The following DIS3 variants were observed in gnomAD, a reference collection of about 807,000 sequenced individuals.
DIS3 encodes the protein DIS3 exosome endoribonuclease and 3'-5' exoribonuclease.
A neutral mutation model predicts 113.0 loss-of-function variants in DIS3; 103 were observed. That is an observed-to-expected ratio of 0.91 (90% CI 0.78 to 1.07). DIS3 has a LOEUF of 1.07. DIS3 is among the 50% of genes least tolerant of loss of function. The pLI is 0.00. For missense variants in DIS3, 1,121 were observed against 1,167.1 expected (o/e 0.96, Z 0.58); for synonymous variants, 402 against 394.3 (o/e 1.02, Z -0.23).
Position 72,759,689 on chromosome 13 carries a change from T to C in DIS3, c.*106A>G, listed in dbSNP as rs754501473. ...GCAGATGTCTGAAATTATTAAAATG[T>C]ACTTAAAAGTAACAAACTGTATCAC... is the stretch of plus-strand genomic sequence containing the variant. On this transcript the variant is annotated 3_prime_UTR_variant, in exon 21 of 21. Coordinates refer to ENST00000377767, the MANE Select transcript of DIS3 (RefSeq NM_014953.5). 132 of 796,134 alleles carry C rather than the reference T, an allele frequency of 1.7e-4. No homozygotes were observed. The highest frequency in any genetic ancestry group is 2.4e-4 in the Non-Finnish European group (121 of 502,738). 49.3% of individuals were successfully genotyped at this position (796,134 alleles called of 1,614,324 possible).
At position 72,755,088 on chromosome 13, in the gene DIS3, A is replaced by G. The variant is rs2033413852; in HGVS notation, c.*4707T>C. On this transcript the variant is annotated 3_prime_UTR_variant, in exon 21 of 21. Transcript: ENST00000377767. The stretch of plus-strand genomic sequence containing the variant: ...CTTTTAGGTTTTAAAAACAGTCCCG[A>G]TAATTGCATCCTCCAGTGGTCCTAC... The G allele has an allele frequency of 7.0e-7, 1 of 1,418,504 alleles. No homozygotes were observed. Among genetic ancestry groups the G allele is most frequent in the African/African-American group, 1.4e-5 (1 of 70,730 alleles). 87.9% of individuals were successfully genotyped at this position (1,418,504 alleles called of 1,614,324 possible). A position where few individuals can be genotyped will look rare whatever the true frequency, so the allele number is the denominator to read the frequency against.
intron 20 of DIS3, 56 bp from the exon 21 acceptor site, chr13:72,759,934 A>G: frequency 7.4e-7 from 1 of 1,356,812 alleles, no homozygotes; most frequent in Non-Finnish European, 1.0e-6. Context: ...AATACATCTC[A>G]ACCTCATCCT....
chr13:72,761,946 T>C lies in DIS3; in HGVS notation c.2319A>G (p.Thr773=). 1.9e-6 allele frequency: 3 copies of C among 1,614,140 alleles called. No individual in the cohort carries two copies. Among genetic ancestry groups the C allele is most frequent in the Non-Finnish European group, 2.5e-6 (3 of 1,180,024 alleles). ...ACCTTCTAATGGGTGAAGTAAAATG[T>C]GTGTATATTGGAGACGCTAAGCCAT... ...HHYGLASPIY[T]HFTSPIRRYA... is the part of the protein sequence containing the mutation. The change falls in exon 17 of 21, where the codon ACA becomes ACG. Residue 773 remains threonine, a synonymous_variant. Coordinates refer to ENST00000377767, the MANE Select transcript of DIS3 (RefSeq NM_014953.5).
chr13:72,776,393 T>C (rs2034019742), intron 4 of DIS3, among the ~76,000 whole-genome samples: 1 of 152,144 alleles, frequency 6.6e-6, no homozygotes, highest in Non-Finnish European at 1.5e-5. Flanking sequence ...TAAATTTAAA[T>C]AGTCATATAT....
At position 72,761,455 on chromosome 13, in the gene DIS3, T is replaced by C; in HGVS notation, c.2578A>G (p.Ile860Val). The C allele has an allele frequency of 1.2e-6, 2 of 1,611,124 alleles. No individual in the cohort carries two copies. Among genetic ancestry groups the C allele is most frequent in the African/African-American group, 1.3e-5 (1 of 74,876 alleles). The change falls in exon 19 of 21, where the codon ATT (isoleucine) becomes GTT (valine). Residue 860 changes from isoleucine (I) to valine (V), a missense_variant. Around this residue, in one of 3 missense-constraint regions of DIS3, gnomAD observed 861 missense variants for 915.5 expected, o/e 0.94. Coordinates refer to ENST00000377767, the MANE Select transcript of DIS3 (RefSeq NM_014953.5). The part of the protein sequence containing the change: ...AYILFVRKNA[I>V]VVLIPKYGLE... ...CCATACTTTGGAATTAATACCACAA[T>C]GGCATTCTTTCTTACAAATAAAATA... is the stretch of plus-strand genomic sequence containing the variant.
At chr13:72,768,753 A>C in intron 14 of DIS3, 32 bp downstream of exon 14, 1 of 1,496,340 alleles carries the variant, frequency 6.7e-7, no homozygotes, top group Non-Finnish European at 9.2e-7. Flanking sequence ...GAGTATAAAA[A>C]TTATCTTAAT....
chr13:72,766,993 G>A (rs932928048), intron 14 of DIS3, among the ~76,000 whole-genome samples: 50 of 152,092 alleles, frequency 3.3e-4, no homozygotes, highest in Admixed American at 6.6e-5. Context: ...GCCTTGTAGT[G>A]TGCACTTAAA....
chr13:72,769,301 G>C (rs1008083922), intron 13 of DIS3, among the ~76,000 whole-genome samples: 1 of 152,024 alleles, frequency 6.6e-6, no homozygotes, highest in Admixed American at 6.6e-5. Flanking sequence ...TTATTCCCCT[G>C]CAAATAATTA....
rs1668352225 is a variant in DIS3, at chr13:72,771,794, C to A, written c.1605+1G>T. On this transcript the variant is annotated splice_donor_variant, in intron 11 of 20. Coordinates refer to ENST00000377767, the MANE Select transcript of DIS3 (RefSeq NM_014953.5). LOFTEE classifies it high-confidence loss of function. ...TAAATTTTTAAATTCAATACATTTACCTTTTCACAAAGATACACAGTTGTT... is the reference window on the plus strand; with the variant it reads ...TAAATTTTTAAATTCAATACATTTAACTTTTCACAAAGATACACAGTTGTT... The A allele has an allele frequency of 6.2e-7, 1 of 1,612,104 alleles. No homozygotes were observed. The highest frequency in any genetic ancestry group is 1.1e-5 in the South Asian group (1 of 90,730).
At chr13:72,768,018 A>G (rs1174564358) in intron 14 of DIS3, among the ~76,000 whole-genome samples, 2 of 152,176 alleles carry the variant, frequency 1.3e-5, no homozygotes, top group Non-Finnish European at 2.9e-5. Context: ...ATAACAGCTA[A>G]AAGACTCAGA....
At position 72,756,118 on chromosome 13, in the gene DIS3, G is replaced by C. The variant is rs1280909742; in HGVS notation, c.*3677C>G. On this transcript the variant is annotated 3_prime_UTR_variant, in exon 21 of 21. Transcript: ENST00000377767. ...ATAACAGTTTGGAAATACTATCTTT[G>C]GAGAATGTATTTTTGTATTTATAAA... 2.5e-6 allele frequency: 1 copy of C among 395,092 alleles called. No homozygotes were observed. The highest frequency in any genetic ancestry group is 4.5e-6 in the Non-Finnish European group (1 of 224,706). The allele number at this position is 395,092 out of a possible 1,614,324, so 24.5% of individuals were successfully genotyped here. A position where few individuals can be genotyped will look rare whatever the true frequency, so the allele number is the denominator to read the frequency against.
chr13:72,774,179 A>G (rs2033954136), intron 6 of DIS3, 120 bp from the exon 7 acceptor site: 3 of 598,186 alleles, frequency 5.0e-6, no homozygotes, highest in African/African-American at 3.8e-5. Context: ...TTATGACATA[A>G]GACTACAGAA....
At position 72,760,499 on chromosome 13, in the gene DIS3, A is replaced by G. The variant is rs749379511; in HGVS notation, c.2793+30T>C. ...CAAAATATGTACTGTTTGTTCCATC[A>G]CAACAAGGAAATTTTAAGTTTGGCC... is the stretch of plus-strand genomic sequence containing the variant. On this transcript the variant is annotated intron_variant, in intron 20 of 20. Transcript: ENST00000377767. The G allele has an allele frequency of 3.1e-6, 5 of 1,612,848 alleles. No individual in the cohort carries two copies. The Admixed American group carries it at 8.3e-5, about 27-fold the overall frequency.
chr13:72,775,299 C>T lies in DIS3; in HGVS notation c.899G>A (p.Ser300Asn). The T allele has an allele frequency of 1.2e-6, 2 of 1,613,816 alleles. No individual in the cohort carries two copies. The highest frequency in any genetic ancestry group is 1.1e-5 in the South Asian group (1 of 91,036). The change falls in exon 6 of 21, where the codon AGT becomes AAT. Residue 300 changes from serine to asparagine, a missense_variant. By Grantham distance (46) the Ser-to-Asn change is conservative. Transcript: ENST00000377767. ...DIVAVELLPK[S>N]QWVAPSSVVL... ...CACAGAAGATGGTGCTACCCACTGACTCTTGGGGAGAAGCTCCACAGCCAC... is the reference window on the plus strand; with the variant it reads ...CACAGAAGATGGTGCTACCCACTGATTCTTGGGGAGAAGCTCCACAGCCAC...
chr13:72,763,384 TA>T, intron 16 of DIS3, 66 bp downstream of exon 16: 1 of 1,476,366 alleles, frequency 6.8e-7, no homozygotes, highest in South Asian at 1.3e-5. Context: ...AATATGAATA[TA>T]AATTATTTAG....
rs1378974779 is a variant in DIS3 at position 72,753,718 on chromosome 13, G to A, written c.*6077C>T. 6.2e-7 allele frequency: 1 copy of A among 1,613,290 alleles called. No homozygotes were observed. Among genetic ancestry groups the A allele is most frequent in the South Asian group, 1.1e-5 (1 of 90,934 alleles). On this transcript the variant is annotated 3_prime_UTR_variant, in exon 21 of 21. Transcript: ENST00000377767. ...GATAGTGGCTATAATACGCAGAATTGTGGAAGCAATATTATGGATACAGTT... is the reference window on the plus strand; with the variant it reads ...GATAGTGGCTATAATACGCAGAATTATGGAAGCAATATTATGGATACAGTT...
intron 5 of DIS3, 126 bp from the exon 6 acceptor site, chr13:72,775,501 T>C (rs2033992318): frequency 5.3e-6 from 6 of 1,136,400 alleles, no homozygotes; most frequent in East Asian, 3.0e-5. Context: ...TTCTCCTTTA[T>C]AGATTTTCTT....
chr13:72,772,426 CAG>C (rs1383250894), intron 9 of DIS3, 151 bp from the exon 10 acceptor site: 14 of 699,540 alleles, frequency 2.0e-5, no homozygotes, highest in East Asian at 1.9e-4. Context: ...TGCACTGGAG[CAG>C]AGAGACACCA....
In DIS3 at chr13:72,766,058, C is replaced by T. The variant is rs761163107; in HGVS notation, c.1884G>A (p.Gly628=). 25 of 1,594,882 alleles carry T rather than the reference C, an allele frequency of 1.6e-5. No individual in the cohort carries two copies. The African/African-American group carries it at 3.2e-4, about 21-fold the overall frequency. The change falls in exon 15 of 21, where the codon GGG becomes GGA. Residue 628 remains glycine, a splice_region_variant and synonymous_variant. Transcript: ENST00000377767. The part of the protein sequence containing the change: ...KILKKRRIEK[G]ALTLSSPEVR... ...CTTCAGGAGAGGATAGAGTCAAAGCCCTACATAAAAATTAAAGAGAAAAAT... is the reference window on the plus strand; with the variant it reads ...CTTCAGGAGAGGATAGAGTCAAAGCTCTACATAAAAATTAAAGAGAAAAAT...
Sources: gnomAD v4.1 joint callset for allele counts (sites outside exome capture counted in the v4.1 genomes callset) on GRCh38, gnomAD v4.1.1 for gene constraint, gnomAD v4.1.1 regional missense constraint, MANE v1.5 for transcripts, NCBI Gene and HGNC (gene_info 2026-07-23, HGNC 2026-07-21) for gene names.